Variants in DCUN1D4 observed in about 807,000 individuals in gnomAD.
The protein encoded by DCUN1D4 is defective in cullin neddylation 1 domain containing 4, also known as DCN1-like protein 4.
Under a neutral mutation model 47.9 loss-of-function variants are expected in DCUN1D4, and 22 were observed. That is an observed-to-expected ratio of 0.46 (90% CI 0.33 to 0.66). The LOEUF (loss-of-function observed/expected upper bound fraction) is 0.66, where lower values mean the gene tolerates loss of function less well. Ranked by LOEUF, DCUN1D4 falls within the 30% of genes least tolerant of loss-of-function variation. DCUN1D4 has a pLI of 0.02. For synonymous variants in DCUN1D4, 121 were observed against 112.2 expected (o/e 1.08, Z -0.50); for missense variants, 301 against 340.8 (o/e 0.88, Z 0.92).
intron 5 of DCUN1D4, 105 bp downstream of exon 5, chr4:51,877,959 G>A (rs1727950839): frequency 1.2e-5 from 8 of 645,120 alleles, no homozygotes; most frequent in South Asian, 4.7e-5. Flanking sequence ...ATTTGGGTGT[G>A]TGTGTGTGTG....
chr4:51,866,780 C>T (rs1274636234), intron 3 of DCUN1D4, among the ~76,000 whole-genome samples: 1 of 152,234 alleles, frequency 6.6e-6, no homozygotes, highest in Non-Finnish European at 1.5e-5. Flanking sequence ...GGACTCATGC[C>T]TCCACTTTTG....
intron 3 of DCUN1D4, among the ~76,000 whole-genome samples, chr4:51,865,840 G>A (rs966222024): frequency 2.6e-5 from 4 of 152,124 alleles, no homozygotes; most frequent in African/African-American, 9.7e-5. Flanking sequence ...GAATGCACAG[G>A]ACTTTCAGCA....
At chr4:51,878,580 G>A (rs193162954) in intron 5 of DCUN1D4, among the ~76,000 whole-genome samples, 5 of 152,172 alleles carry the variant, frequency 3.3e-5, no homozygotes, top group Admixed American at 3.3e-4. Flanking sequence ...TTAAAACTAA[G>A]CTGAGCAGAT....
chr4:51,844,725 G>T (rs964357964), intron 1 of DCUN1D4, among the ~76,000 whole-genome samples: 1 of 151,840 alleles, frequency 6.6e-6, no homozygotes, highest in African/African-American at 2.4e-5. Flanking sequence ...TTTCCTTTAG[G>T]GTTTGTCTCC....
At chr4:51,867,892 C>T (rs1046310549) in intron 3 of DCUN1D4, among the ~76,000 whole-genome samples, 1 of 152,216 alleles carries the variant, frequency 6.6e-6, no homozygotes. Flanking sequence ...ATGGTGCCCA[C>T]GGCGCTCAGG....
intron 3 of DCUN1D4, among the ~76,000 whole-genome samples, chr4:51,873,041 T>C (rs1352005663): frequency 6.6e-6 from 1 of 152,220 alleles, no homozygotes; most frequent in Non-Finnish European, 1.5e-5. Flanking sequence ...AAATGGCGAA[T>C]GAGAGACCCT....
intron 1 of DCUN1D4, among the ~76,000 whole-genome samples, chr4:51,854,531 T>C (rs1303285761): frequency 6.6e-6 from 1 of 152,176 alleles, no homozygotes; most frequent in African/African-American, 2.4e-5. Context: ...AGTCCTGCCA[T>C]TGTAAAACCC....
At chr4:51,904,925 C>T (rs1732653695) in intron 8 of DCUN1D4, among the ~76,000 whole-genome samples, 1 of 152,038 alleles carries the variant, frequency 6.6e-6, no homozygotes, top group African/African-American at 2.4e-5. Flanking sequence ...ATTTTAATAT[C>T]CCAAATATTA....
At chr4:51,852,582 G>C (rs532033114) in intron 1 of DCUN1D4, among the ~76,000 whole-genome samples, 1 of 152,114 alleles carries the variant, frequency 6.6e-6, no homozygotes, top group South Asian at 2.1e-4. Flanking sequence ...CCATCACCTT[G>C]TGATCTCTTC....
At chr4:51,848,075 C>A in intron 1 of DCUN1D4, 1 of 583,902 alleles carries the variant, frequency 1.7e-6, no homozygotes, top group Non-Finnish European at 2.6e-6. Flanking sequence ...TTAATTCTTC[C>A]TGTTCCTGTT....
At chr4:51,858,434 T>C (rs895116504) in intron 1 of DCUN1D4, among the ~76,000 whole-genome samples, 1 of 151,882 alleles carries the variant, frequency 6.6e-6, no homozygotes, top group African/African-American at 2.4e-5. Context: ...GAAGATGAGA[T>C]TGGAGAGATT....
At chr4:51,899,887 A>G (rs1349215435) in intron 8 of DCUN1D4, among the ~76,000 whole-genome samples, 6 of 152,308 alleles carry the variant, frequency 3.9e-5, no homozygotes, top group African/African-American at 7.2e-5. Flanking sequence ...CAGTTACCCT[A>G]TTTGTCACAT....
At chr4:51,898,863 G>A (rs999771128) in intron 7 of DCUN1D4, among the ~76,000 whole-genome samples, 2 of 152,160 alleles carry the variant, frequency 1.3e-5, no homozygotes, top group Non-Finnish European at 2.9e-5. Flanking sequence ...AAAAGAAATT[G>A]GGGAATAATT....
chr4:51,836,826 T>G, the DCUN1D4 span, among the ~76,000 whole-genome samples: 1 of 152,292 alleles, frequency 6.6e-6, no homozygotes, highest in African/African-American at 2.4e-5. Context: ...TTTGCCATAA[T>G]GAGATGCTCA....
chr4:51,862,292 C>T (rs1293017265), intron 1 of DCUN1D4, among the ~76,000 whole-genome samples: 2 of 152,252 alleles, frequency 1.3e-5, no homozygotes, highest in African/African-American at 2.4e-5. Context: ...CCCTGCAGAC[C>T]TACTCAGAAC....
chr4:51,883,328 G>A (rs1379490554), intron 5 of DCUN1D4, among the ~76,000 whole-genome samples: 1 of 152,122 alleles, frequency 6.6e-6, no homozygotes, highest in Admixed American at 6.5e-5. Flanking sequence ...AAAGGGAGAA[G>A]GCAAGTTTCT....
chr4:51,843,017 C>T (rs1298178204), upstream of DCUN1D4: 32 of 1,328,302 alleles, frequency 2.4e-5, no homozygotes, highest in Admixed American at 7.2e-5. Context: ...GGCGGGGCCT[C>T]GTTGCCAGCT....
At chr4:51,855,497 AG>A in intron 1 of DCUN1D4, among the ~76,000 whole-genome samples, 1 of 152,310 alleles carries the variant, frequency 6.6e-6, no homozygotes, top group East Asian at 1.9e-4. Context: ...ATCTCTGATG[AG>A]GTGACATTTA....
intron 9 of DCUN1D4, among the ~76,000 whole-genome samples, chr4:51,912,877 A>C (rs1421757159): frequency 1.3e-5 from 2 of 152,124 alleles, no homozygotes; most frequent in African/African-American, 2.4e-5. Flanking sequence ...AATGGGAGCT[A>C]CTCTTTATTT....
Sources: gnomAD v4.1 joint callset for allele counts (sites outside exome capture counted in the v4.1 genomes callset) on GRCh38, gnomAD v4.1.1 for gene constraint, MANE v1.5 for transcripts, NCBI Gene and HGNC (gene_info 2026-07-23, HGNC 2026-07-21) for gene names.